The following PTPRR variants were observed in gnomAD, a reference collection of about 807,000 sequenced individuals.
The protein encoded by PTPRR is receptor-type tyrosine-protein phosphatase R.
In PTPRR, 38 loss-of-function variants were observed where a neutral mutation model predicts 77.2. The observed-to-expected ratio is 0.49, with a 90% confidence interval of 0.38 to 0.65. The LOEUF is 0.65. Among genes scored for constraint, PTPRR ranks in the 30% least tolerant of loss-of-function variants. PTPRR has a pLI of 0.00. For synonymous variants in PTPRR, 299 were observed against 283.1 expected (o/e 1.06, Z -0.57); for missense variants, 744 against 799.2 (o/e 0.93, Z 0.83).
At chr12:70,755,348 A>T (rs1208037815) in intron 4 of PTPRR, among the ~76,000 whole-genome samples, 2 of 152,184 alleles carry the variant, frequency 1.3e-5, no homozygotes, top group Non-Finnish European at 2.9e-5. Flanking sequence ...CACGTCTTGT[A>T]GGTGTCTGAA....
chr12:70,829,968 A>G (rs1892182846), intron 2 of PTPRR, among the ~76,000 whole-genome samples: 1 of 152,160 alleles, frequency 6.6e-6, no homozygotes, highest in African/African-American at 2.4e-5. Flanking sequence ...GCTCCAATTG[A>G]TTAATTGATT....
chr12:70,717,728 AT>A (rs1338146163), intron 6 of PTPRR, among the ~76,000 whole-genome samples: 18 of 152,312 alleles, frequency 1.2e-4, no homozygotes, highest in African/African-American at 4.3e-4. Flanking sequence ...AATTGACCTA[AT>A]TTTAATTTCT....
chr12:70,892,790 A>G lies in PTPRR; in HGVS notation c.246T>C (p.Asn82=). 6.2e-7 allele frequency: 1 copy of G among 1,613,556 alleles called. No homozygotes were observed. Among genetic ancestry groups the G allele is most frequent in the Non-Finnish European group, 8.5e-7 (1 of 1,179,582 alleles). Reference sequence around the variant, plus strand: ...CATATGCGGGTCTAGGAAATGCTGAATTGACAATCTGGTGGCGTTTGCTTA... The same window carrying G: ...CATATGCGGGTCTAGGAAATGCTGAGTTGACAATCTGGTGGCGTTTGCTTA... The part of the protein sequence containing the change: ...AQVSKRHQIV[N]SAFPRPAYDP... Residue 82 remains asparagine, a synonymous_variant, in exon 2 of 14, where the codon AAT becomes AAC. Coordinates refer to ENST00000283228, the MANE Select transcript of PTPRR (RefSeq NM_002849.4).
chr12:70,788,937 A>G, intron 2 of PTPRR: 1 of 1,421,578 alleles, frequency 7.0e-7, no homozygotes, highest in East Asian at 2.7e-5. Flanking sequence ...GTGTGCTGAG[A>G]TGAAGCCTCA....
chr12:70,850,936 G>GT (rs919986827), intron 2 of PTPRR, among the ~76,000 whole-genome samples: 45 of 150,356 alleles, frequency 3.0e-4, no homozygotes, highest in Admixed American at 7.3e-4. Flanking sequence ...TGTTTCTCCT[G>GT]TTTTTTTTTC....
intron 6 of PTPRR, among the ~76,000 whole-genome samples, chr12:70,706,964 T>C (rs1252769316): frequency 6.6e-6 from 1 of 151,260 alleles, no homozygotes; most frequent in Non-Finnish European, 1.5e-5. Context: ...ATTATCATAA[T>C]TAATAATAAC....
At chr12:70,732,427 G>A (rs539886568) in intron 6 of PTPRR, among the ~76,000 whole-genome samples, 10 of 152,328 alleles carry the variant, frequency 6.6e-5, no homozygotes, top group South Asian at 2.1e-4. Flanking sequence ...CAGGTGCAGC[G>A]TGACATTGCC....
chr12:70,696,517 T>A (rs946154718), intron 8 of PTPRR, among the ~76,000 whole-genome samples: 1 of 152,166 alleles, frequency 6.6e-6, no homozygotes, highest in Non-Finnish European at 1.5e-5. Flanking sequence ...CAACAGCAGA[T>A]CTACTTAAAC....
intron 6 of PTPRR, among the ~76,000 whole-genome samples, chr12:70,727,600 A>T (rs932369004): frequency 6.6e-6 from 1 of 152,182 alleles, no homozygotes; most frequent in Non-Finnish European, 1.5e-5. Flanking sequence ...TGAAAATTTT[A>T]TATTAGTTAT....
intron 1 of PTPRR, among the ~76,000 whole-genome samples, chr12:70,908,950 T>C (rs1404117958): frequency 6.6e-6 from 1 of 152,104 alleles, no homozygotes; most frequent in Non-Finnish European, 1.5e-5. Context: ...TGAGAAGAGA[T>C]CTCTCCTGGA....
At chr12:70,862,893 C>T (rs1230279296) in intron 2 of PTPRR, among the ~76,000 whole-genome samples, 4 of 152,044 alleles carry the variant, frequency 2.6e-5, no homozygotes, top group African/African-American at 9.7e-5. Flanking sequence ...AAAGATCAAT[C>T]AACTTATGTT....
intron 10 of PTPRR, chr12:70,673,116 G>T: frequency 1.2e-6 from 1 of 842,026 alleles, no homozygotes; most frequent in Non-Finnish European, 1.6e-6. Flanking sequence ...CCTTGGTCTT[G>T]GAGAAGGAGG....
intron 4 of PTPRR, among the ~76,000 whole-genome samples, chr12:70,759,696 A>C (rs1413727193): frequency 7.4e-5 from 11 of 149,326 alleles, no homozygotes; most frequent in African/African-American, 1.5e-4. Context: ...AAAAAAAAAA[A>C]AAAAAAAAAA....
At chr12:70,759,228 G>A (rs553532629) in intron 4 of PTPRR, among the ~76,000 whole-genome samples, 3 of 152,198 alleles carry the variant, frequency 2.0e-5, no homozygotes, top group East Asian at 1.9e-4. Flanking sequence ...GAGCCAACGC[G>A]CCCAGCATGA....
intron 2 of PTPRR, among the ~76,000 whole-genome samples, chr12:70,816,554 A>C (rs1891906175): frequency 6.6e-6 from 1 of 152,046 alleles, no homozygotes; most frequent in Admixed American, 6.5e-5. Context: ...ATTTTTGGTA[A>C]GTTTTATAAT....
chr12:70,763,350 C>T (rs928830791), intron 3 of PTPRR, among the ~76,000 whole-genome samples: 4 of 152,084 alleles, frequency 2.6e-5, no homozygotes, highest in Non-Finnish European at 5.9e-5. Flanking sequence ...CCAGGCTGGT[C>T]TCAAACTCCT....
intron 10 of PTPRR, among the ~76,000 whole-genome samples, chr12:70,674,205 G>T (rs971897912): frequency 3.7e-4 from 57 of 152,066 alleles, no homozygotes; most frequent in African/African-American, 1.4e-3. Flanking sequence ...AAAGTGCTGG[G>T]ATTACAGAAA....
chr12:70,857,945 T>A (rs951439332), intron 2 of PTPRR, among the ~76,000 whole-genome samples: 1 of 152,034 alleles, frequency 6.6e-6, no homozygotes, highest in African/African-American at 2.4e-5. Context: ...GCTGCTCAGA[T>A]CTCCCTTCAA....
At chr12:70,816,569 A>T (rs1467166598) in intron 2 of PTPRR, among the ~76,000 whole-genome samples, 1 of 152,078 alleles carries the variant, frequency 6.6e-6, no homozygotes, top group Non-Finnish European at 1.5e-5. Context: ...TATAATAAAC[A>T]TGTAATACTA....
Sources: gnomAD v4.1 joint callset for allele counts (sites outside exome capture counted in the v4.1 genomes callset) on GRCh38, gnomAD v4.1.1 for gene constraint, MANE v1.5 for transcripts, NCBI Gene and HGNC (gene_info 2026-07-23, HGNC 2026-07-21) for gene names.